SLC10A2: variants seen among roughly 807,000 people sequenced by gnomAD.
SLC10A2 encodes ileal sodium/bile acid cotransporter.
In SLC10A2, 34 loss-of-function variants were observed where a neutral mutation model predicts 27.1. The observed-to-expected ratio is 1.26, with a 90% confidence interval of 0.96 to 1.67. The LOEUF is 1.67. Among genes scored for constraint, SLC10A2 ranks in the 40% most tolerant of loss-of-function variants. SLC10A2 has a pLI of 0.00. For synonymous variants in SLC10A2, 205 were observed against 174.0 expected (o/e 1.18, Z -1.40); for missense variants, 530 against 444.4 (o/e 1.19, Z -1.73).
intron 4 of SLC10A2, among the ~76,000 whole-genome samples, chr13:103,050,325 T>G (rs950472561): frequency 3.3e-5 from 5 of 152,186 alleles, no homozygotes; most frequent in Non-Finnish European, 7.3e-5. Context: ...ACTCAAACAC[T>G]GCGCTCTTCT....
chr13:103,066,109 G>T lies in SLC10A2; in HGVS notation c.141C>A (p.Phe47Leu). 1 of 1,614,222 alleles carries T rather than the reference G, an allele frequency of 6.2e-7. No homozygotes were observed. Among genetic ancestry groups the T allele is most frequent in the South Asian group, 1.1e-5 (1 of 91,084 alleles). Residue 47 changes from phenylalanine to leucine, a missense_variant, in exon 1 of 6, where the codon TTC (phenylalanine) becomes TTA (leucine). By Grantham distance (22) the Phe-to-Leu change is conservative. Transcript: ENST00000245312. ...VLTILLALVM[F>L]SMGCNVEIKK... ...TGATTTCCACGTTGCATCCCATGGA[G>T]AACATCACCAAGGCCAACAGGATGG...
chr13:103,056,006 T>C (rs897649016), intron 2 of SLC10A2, among the ~76,000 whole-genome samples: 1 of 152,266 alleles, frequency 6.6e-6, no homozygotes, highest in African/African-American at 2.4e-5. Flanking sequence ...TTTTAAATTA[T>C]TAGCCAGTCA....
chr13:103,058,872 G>A (rs1595441516), intron 1 of SLC10A2, among the ~76,000 whole-genome samples: 1 of 152,274 alleles, frequency 6.6e-6, no homozygotes, highest in East Asian at 1.9e-4. Flanking sequence ...TGGGCAATTA[G>A]GTTGATTCCA....
In SLC10A2 at chr13:103,058,274, A is replaced by G. The variant is rs1330304861; in HGVS notation, c.486T>C (p.Tyr162=). Reference sequence around the variant, plus strand: ...AGATGGATGACTTACCTATGTTATCATAGGGAATTACGATGCTCCCAGAGT... The same window carrying G: ...AGATGGATGACTTACCTATGTTATCGTAGGGAATTACGATGCTCCCAGAGT... ...WVDSGSIVIP[Y]DNIGTSLVSL... Residue 162 remains tyrosine, a synonymous_variant, in exon 2 of 6, where the codon TAT becomes TAC. Coordinates refer to ENST00000245312, the MANE Select transcript of SLC10A2 (RefSeq NM_000452.3). 7.0e-6 allele frequency: 11 copies of G among 1,581,746 alleles called. No homozygotes were observed. Among genetic ancestry groups the G allele is most frequent in the Non-Finnish European group, 8.7e-6 (10 of 1,150,650 alleles).
At chr13:103,051,183 A>T in intron 4 of SLC10A2, 74 bp downstream of exon 4, 1 of 1,479,862 alleles carries the variant, frequency 6.8e-7, no homozygotes, top group South Asian at 1.1e-5. Context: ...GTTCTGTCTT[A>T]TGGCACCTCT....
At position 103,065,929 on chromosome 13, in the gene SLC10A2, A is replaced by G. The variant is rs1355126178; in HGVS notation, c.321T>C (p.Pro107=). 3 of 1,614,234 alleles carry G rather than the reference A, an allele frequency of 1.9e-6. No individual in the cohort carries two copies. The highest frequency in any genetic ancestry group is 2.5e-6 in the Non-Finnish European group (3 of 1,180,028). The part of the protein sequence containing the change: ...AVVVLIIGCC[P]GGTASNILAY... ...CCAAGATATTGGAGGCAGTTCCTCCAGGGCAGCATCCTATAATGAGCACCA... is the reference window on the plus strand; with the variant it reads ...CCAAGATATTGGAGGCAGTTCCTCCGGGGCAGCATCCTATAATGAGCACCA... The change falls in exon 1 of 6, where the codon CCT becomes CCC. Residue 107 remains proline (P), a synonymous_variant. Coordinates refer to ENST00000245312, the MANE Select transcript of SLC10A2 (RefSeq NM_000452.3).
At chr13:103,047,077 A>G (rs1875635594) in intron 5 of SLC10A2, among the ~76,000 whole-genome samples, 1 of 152,256 alleles carries the variant, frequency 6.6e-6, no homozygotes, top group African/African-American at 2.4e-5. Context: ...TACTCCTTAT[A>G]GGACCCCTCG....
At chr13:103,049,147 A>C in intron 5 of SLC10A2, 142 bp downstream of exon 5, 2 of 815,924 alleles carry the variant, frequency 2.5e-6, no homozygotes, top group South Asian at 2.9e-5. Flanking sequence ...TTGGAAAGTC[A>C]TGATAATATG....
intron 1 of SLC10A2, among the ~76,000 whole-genome samples, chr13:103,063,399 T>A (rs1399799009): frequency 2.6e-5 from 4 of 152,202 alleles, no homozygotes; most frequent in African/African-American, 9.6e-5. Context: ...TAGCTGCCTG[T>A]TAACATAAAC....
Position 103,046,263 on chromosome 13 carries a change from A to G in SLC10A2, c.920-3T>C, listed in dbSNP as rs1429368765. The G allele has an allele frequency of 1.2e-6, 2 of 1,609,792 alleles. No individual in the cohort carries two copies. Among genetic ancestry groups the G allele is most frequent in the South Asian group, 1.1e-5 (1 of 90,970 alleles). ...ACATTTCTTGTATGCCACATAAACT[A>G]GAAAACAATACACAGACAGTTAAGT... On this transcript the variant is annotated splice_region_variant and splice_polypyrimidine_tract_variant and intron_variant, in intron 5 of 5. Transcript: ENST00000245312.
At chr13:103,062,656 T>A (rs1876159005) in intron 1 of SLC10A2, among the ~76,000 whole-genome samples, 1 of 152,190 alleles carries the variant, frequency 6.6e-6, no homozygotes, top group Non-Finnish European at 1.5e-5. Context: ...GAATTTGTGG[T>A]AAGCTACAGG....
rs1875708582 is a variant in SLC10A2, at chr13:103,049,432, G to A, written c.776C>T (p.Ala259Val). The change falls in exon 5 of 6, where the codon GCT becomes GTT. Residue 259 changes from alanine (A) to valine (V), a missense_variant. Coordinates refer to ENST00000245312, the MANE Select transcript of SLC10A2 (RefSeq NM_000452.3). ...CGTGTTCTGCATCCCCGTTTCAAAA[G>A]CAACCGTTCGGCACCTAAAGAAGAT... ...GLPWYRCRTV[A>V]FETGMQNTQL... 1.2e-6 allele frequency: 2 copies of A among 1,613,908 alleles called. No individual in the cohort carries two copies. The highest frequency in any genetic ancestry group is 8.5e-7 in the Non-Finnish European group (1 of 1,179,870).
At chr13:103,047,211 A>G (rs1027938573) in intron 5 of SLC10A2, among the ~76,000 whole-genome samples, 3 of 152,202 alleles carry the variant, frequency 2.0e-5, no homozygotes, top group South Asian at 2.1e-4. Context: ...TAAATGCTCA[A>G]TAAATGTTAA....
At chr13:103,055,817 G>A (rs1480527846) in intron 2 of SLC10A2, among the ~76,000 whole-genome samples, 1 of 152,164 alleles carries the variant, frequency 6.6e-6, no homozygotes, top group African/African-American at 2.4e-5. Context: ...AAAGGAATAA[G>A]TACATTCTAT....
At chr13:103,060,272 C>A (rs1320857598) in intron 1 of SLC10A2, among the ~76,000 whole-genome samples, 1 of 151,954 alleles carries the variant, frequency 6.6e-6, no homozygotes, top group African/African-American at 2.4e-5. Flanking sequence ...TAGTTGACTT[C>A]TCTTTACCAG....
intron 4 of SLC10A2, 145 bp downstream of exon 4, chr13:103,051,112 A>T (rs1351117299): frequency 2.5e-6 from 2 of 784,412 alleles, no homozygotes; most frequent in East Asian, 5.3e-5. Flanking sequence ...CTTCATTTTC[A>T]CTTCTAGTCT....
At chr13:103,051,502 AC>A (rs1875782086) in intron 3 of SLC10A2, 70 bp from the exon 4 acceptor site, 2 of 1,526,340 alleles carry the variant, frequency 1.3e-6, no homozygotes, top group Non-Finnish European at 1.8e-6. Flanking sequence ...TTTGTCAGAG[AC>A]AAAACCTCAG....
At chr13:103,051,877 A>T (rs1875793483) in intron 3 of SLC10A2, among the ~76,000 whole-genome samples, 1 of 152,244 alleles carries the variant, frequency 6.6e-6, no homozygotes, top group African/African-American at 2.4e-5. Context: ...TACGATAATG[A>T]GAAAATGGGT....
intron 1 of SLC10A2, among the ~76,000 whole-genome samples, chr13:103,058,730 T>A (rs1876014622): frequency 6.6e-6 from 1 of 152,204 alleles, no homozygotes; most frequent in Admixed American, 6.5e-5. Context: ...GTCCTTGTGT[T>A]ACTTTGCTAA....
Sources: gnomAD v4.1 joint callset for allele counts (sites outside exome capture counted in the v4.1 genomes callset) on GRCh38, gnomAD v4.1.1 for gene constraint, MANE v1.5 for transcripts, NCBI Gene and HGNC (gene_info 2026-07-23, HGNC 2026-07-21) for gene names.